DNAH7: variants seen among roughly 807,000 people sequenced by gnomAD.
The protein encoded by DNAH7 is axonemal beta dynein heavy chain 7.
A neutral mutation model predicts 444.6 loss-of-function variants in DNAH7; 397 were observed. The ratio of observed to expected loss-of-function variants is 0.89; its 90% CI spans 0.82 to 0.97. The LOEUF is 0.97. DNAH7 is among the 50% of genes least tolerant of loss of function. The pLI is 0.00. For synonymous variants in DNAH7, 1,636 were observed against 1,624.4 expected, an observed-to-expected ratio of 1.01 and a Z score of -0.17; for missense variants, 4,902 against 4,800.8, an observed-to-expected ratio of 1.02 and a Z score of -0.62.
intron 24 of DNAH7, among the ~76,000 whole-genome samples, chr2:195,914,501 C>T (rs1250586476): frequency 6.6e-6 from 1 of 152,176 alleles, no homozygotes; most frequent in African/African-American, 2.4e-5. Context: ...GGCATGATAT[C>T]AAAGAAGATT....
chr2:195,983,698 G>A (rs1692721862), intron 15 of DNAH7, among the ~76,000 whole-genome samples: 1 of 152,140 alleles, frequency 6.6e-6, no homozygotes, highest in Non-Finnish European at 1.5e-5. Context: ...GAAGTAACAT[G>A]AGAAATGATG....
At chr2:195,976,429 C>T (rs1405212861) in intron 15 of DNAH7, among the ~76,000 whole-genome samples, 2 of 151,980 alleles carry the variant, frequency 1.3e-5, no homozygotes, top group Non-Finnish European at 2.9e-5. Context: ...CACATAGATT[C>T]CTAAGGTTTC....
At chr2:196,062,590 G>T (rs1425379329) in intron 1 of DNAH7, among the ~76,000 whole-genome samples, 3 of 152,098 alleles carry the variant, frequency 2.0e-5, no homozygotes, top group Non-Finnish European at 4.4e-5. Flanking sequence ...CCATCTTCCT[G>T]TAACTAAATC....
In DNAH7 at chr2:195,855,883, A is replaced by C. The variant is rs1262640923; in HGVS notation, c.8523T>G (p.Val2841=). Residue 2841 remains valine, a synonymous_variant, in exon 45 of 65, where the codon GTT becomes GTG. Transcript: ENST00000312428. ...LRKKQAALKE[V]QDKLARLQDT... is the part of the protein sequence containing the mutation. ...CTTGAAGCCTGGCCAGCTTGTCCTG[A>C]ACTTCCTTAAGGGCTGCCTGCTTCT... 1.2e-6 allele frequency: 2 copies of C among 1,614,010 alleles called. No individual in the cohort carries two copies. The highest frequency in any genetic ancestry group is 1.7e-5 in the Admixed American group (1 of 60,010).
At chr2:195,760,922 A>G (rs1694318492) in intron 61 of DNAH7, among the ~76,000 whole-genome samples, 1 of 152,172 alleles carries the variant, frequency 6.6e-6, no homozygotes, top group Admixed American at 6.6e-5. Flanking sequence ...AGGATACTGA[A>G]TAGTGTCTGG....
At chr2:195,894,270 G>A (rs1286434333) in intron 30 of DNAH7, 3 of 152,138 alleles carry the variant, frequency 2.0e-5, no homozygotes, top group Non-Finnish European at 2.9e-5. Flanking sequence ...CATACAGGGA[G>A]AAAGTAGGGG....
chr2:196,022,991 C>T (rs993016848), intron 8 of DNAH7, among the ~76,000 whole-genome samples: 1 of 152,082 alleles, frequency 6.6e-6, no homozygotes, highest in African/African-American at 2.4e-5. Flanking sequence ...ATCCCAACAC[C>T]CAGGTGCCAG....
In DNAH7 at chr2:195,973,566, T is replaced by C. The variant is rs552098383; in HGVS notation, c.1834-1100A>G. 2.0e-5 allele frequency among the ~76,000 whole-genome samples: 3 copies of C among 151,840 alleles called. No homozygotes were observed. In the East Asian group the frequency reaches 5.9e-4, roughly 30 times the overall value. ...GGCTGACTGCAACCTCAGCCTCCCA[T>C]GTTCAAGCGATTCTCCTGCCTCAGC... On this transcript the variant is annotated intron_variant, in intron 15 of 64. Coordinates refer to ENST00000312428, the MANE Select transcript of DNAH7 (RefSeq NM_018897.3).
rs1574519542 is a variant in DNAH7 at position 195,834,200 on chromosome 2, A to G, written c.9100+6T>C. The G allele has an allele frequency of 6.2e-7, 1 of 1,601,114 alleles. No homozygotes were observed. The highest frequency in any genetic ancestry group is 2.2e-5 in the East Asian group (1 of 44,518). On this transcript the variant is annotated splice_donor_region_variant and intron_variant, in intron 48 of 64. Coordinates refer to ENST00000312428, the MANE Select transcript of DNAH7 (RefSeq NM_018897.3). ...TGTAATGTATCTTAGTTATTCAACT[A>G]CATACCAGGAGTACCAAACTGGATG...
Position 195,897,657 on chromosome 2 carries a change from A to AT in DNAH7, c.4647+9dup. ...GAGTTTTGATGCATTGGGATAATGA[A>AT]TGTTCTTACCTCAAAGAGTGGTAAA... On this transcript the variant is annotated intron_variant, in intron 29 of 64. Coordinates refer to ENST00000312428, the MANE Select transcript of DNAH7 (RefSeq NM_018897.3). 6.6e-7 allele frequency: 1 copy of AT among 1,508,974 alleles called. No individual in the cohort carries two copies. 93.5% of individuals were successfully genotyped at this position (1,508,974 alleles called of 1,614,324 possible). A position where few individuals can be genotyped will look rare whatever the true frequency, so the allele number is the denominator to read the frequency against.
At chr2:196,061,071 A>AC (rs1033658621) in intron 1 of DNAH7, among the ~76,000 whole-genome samples, 2 of 152,182 alleles carry the variant, frequency 1.3e-5, no homozygotes, top group Admixed American at 1.3e-4. Flanking sequence ...CATATGCATT[A>AC]CCCCACATAC....
chr2:195,895,391 T>A (rs1702249805), intron 29 of DNAH7, among the ~76,000 whole-genome samples, 167 bp from the exon 30 acceptor site: 1 of 152,208 alleles, frequency 6.6e-6, no homozygotes, highest in African/African-American at 2.4e-5. Flanking sequence ...TTTCTTTTTT[T>A]CAATTTTTAA....
chr2:195,876,490 C>T (rs1701063751), intron 37 of DNAH7, 54 bp downstream of exon 37: 1 of 1,525,726 alleles, frequency 6.6e-7, no homozygotes, highest in South Asian at 1.2e-5. Context: ...TTTCCTTGTT[C>T]CAACTGCAGC....
At chr2:195,926,293 T>G in intron 22 of DNAH7, 133 bp downstream of exon 22, 2 of 788,170 alleles carry the variant, frequency 2.5e-6, no homozygotes, top group East Asian at 3.4e-5. Flanking sequence ...TTAAAAAATC[T>G]GTAATTTGGC....
intron 19 of DNAH7, 43 bp from the exon 20 acceptor site, chr2:195,936,835 TACTA>T: frequency 2.3e-6 from 3 of 1,298,592 alleles, no homozygotes; most frequent in Non-Finnish European, 3.1e-6. Context: ...AAATATTAGA[TACTA>T]ACTCTATTTA....
At chr2:195,892,541 G>A (rs1405701155) in intron 30 of DNAH7, 2 of 150,840 alleles carry the variant, frequency 1.3e-5, no homozygotes, top group Non-Finnish European at 2.9e-5. Context: ...TGAGCAGAAA[G>A]TACGAAGATT....
chr2:195,745,111 A>C (rs1693312874), intron 63 of DNAH7, among the ~76,000 whole-genome samples: 1 of 152,186 alleles, frequency 6.6e-6, no homozygotes, highest in Admixed American at 6.5e-5. Context: ...CTTTGATAAA[A>C]ATTTAGACGA....
chr2:195,941,464 A>C (rs1377663155), intron 19 of DNAH7, among the ~76,000 whole-genome samples: 3 of 151,680 alleles, frequency 2.0e-5, no homozygotes, highest in Non-Finnish European at 4.4e-5. Flanking sequence ...AAAAAAAAAA[A>C]AAAAACCTAG....
chr2:195,941,954 T>C (rs1235335608), intron 19 of DNAH7, among the ~76,000 whole-genome samples: 3 of 152,128 alleles, frequency 2.0e-5, no homozygotes, highest in Admixed American at 2.0e-4. Flanking sequence ...TCAATCTCAA[T>C]TATTACTCAT....
Sources: gnomAD v4.1 joint callset for allele counts (sites outside exome capture counted in the v4.1 genomes callset) on GRCh38, gnomAD v4.1.1 for gene constraint, MANE v1.5 for transcripts, NCBI Gene and HGNC (gene_info 2026-07-23, HGNC 2026-07-21) for gene names.